The following PTPRU variants were observed in gnomAD, a reference collection of about 807,000 sequenced individuals.
The protein encoded by PTPRU is receptor-type tyrosine-protein phosphatase U.
A neutral mutation model predicts 166.3 loss-of-function variants in PTPRU; 69 were observed. The observed-to-expected ratio is 0.41, with a 90% CI of 0.34 to 0.51. The LOEUF is 0.51. Among genes scored for constraint, PTPRU ranks in the 20% least tolerant of loss-of-function variants. The probability of loss-of-function intolerance (pLI) is 0.09; values close to 1 mark genes in which losing one functional copy is unlikely to be tolerated. For synonymous variants in PTPRU, 793 were observed against 814.0 expected, an observed-to-expected ratio of 0.97 and a Z score of 0.44; for missense variants, 1,657 against 2,013.7, an observed-to-expected ratio of 0.82 and a Z score of 3.39.
chr1:29,311,866 T>A lies in PTPRU; in HGVS notation c.3072+107T>A. 9.1e-7 allele frequency: 1 copy of A among 1,097,544 alleles called. No homozygotes were observed. The highest frequency in any genetic ancestry group is 1.5e-5 in the South Asian group (1 of 68,270). The allele number at this position is 1,097,544 out of a possible 1,614,324, so 68.0% of individuals were successfully genotyped here. ...AGCAGGAGGGTGAGGAGCGCACCAC[T>A]GCCCATCCCAGCAAGGAAGCTACTT... On this transcript the variant is annotated intron_variant, in intron 21 of 29. Coordinates refer to ENST00000373779, the MANE Select transcript of PTPRU (RefSeq NM_133178.4). This position sits in a 1 kb window ranked among gnomAD's most constrained non-coding sequence, Gnocchi z 4.1.
rs1243376313 is a variant in PTPRU at position 29,260,954 on chromosome 1, T to G, written c.1144+51T>G. On this transcript the variant is annotated intron_variant, in intron 7 of 29. Coordinates refer to ENST00000373779, the MANE Select transcript of PTPRU (RefSeq NM_133178.4). This position sits in a 1 kb window ranked among gnomAD's most constrained non-coding sequence, Gnocchi z 8.3. ...TCAGTCTCTGGTGGGCCCAGGGCTA[T>G]GGAGGGGCGCATTCGAGAGGTAGCG... 1.4e-6 allele frequency: 2 copies of G among 1,464,192 alleles called. No individual in the cohort carries two copies. Among genetic ancestry groups the G allele is most frequent in the South Asian group, 2.8e-5 (2 of 70,778 alleles). 90.7% of individuals were successfully genotyped at this position (1,464,192 alleles called of 1,614,324 possible). A position where few individuals can be genotyped will look rare whatever the true frequency, so the allele number is the denominator to read the frequency against.
intron 7 of PTPRU, among the ~76,000 whole-genome samples, chr1:29,264,935 CCTTTTTATTA>C (rs756360865): frequency 1.3e-3 from 199 of 152,284 alleles, no homozygotes; most frequent in Middle Eastern, 3.4e-3. Flanking sequence ...GTAGTTTATT[CCTTTTTATTA>C]CTTTTTATTA....
chr1:29,315,988 A>T lies in PTPRU; in HGVS notation c.3364-14A>T. ...TAGGCCCCTCCTCGGCCTCATTCTC[A>T]TCTCCTGTTCCAGGAGCAGTACATC... On this transcript the variant is annotated splice_polypyrimidine_tract_variant and intron_variant, in intron 23 of 29. Coordinates refer to ENST00000373779, the MANE Select transcript of PTPRU (RefSeq NM_133178.4). The surrounding 1 kb of genome is among the most constrained non-coding windows in gnomAD (Gnocchi z 4.5). 3.1e-6 allele frequency: 5 copies of T among 1,613,662 alleles called. No homozygotes were observed. The highest frequency in any genetic ancestry group is 4.2e-6 in the Non-Finnish European group (5 of 1,179,764).
rs769549273 is a variant in PTPRU, at chr1:29,317,782, A to G, written c.3548A>G (p.Glu1183Gly). ...TCGGTCACCCCGCCGCTGGACGTGG[A>G]GGAGTGCAGCATCGCCCTGTTGCCC... ...LNSVTPPLDV[E>G]ECSIALLPRN... The change falls in exon 25 of 30, where the codon GAG becomes GGG. Residue 1183 changes from glutamate (E) to glycine (G), a missense_variant. Glu to Gly is a moderately conservative substitution (Grantham distance 98). Coordinates refer to ENST00000373779, the MANE Select transcript of PTPRU (RefSeq NM_133178.4). This position sits in a 1 kb window ranked among gnomAD's most constrained non-coding sequence, Gnocchi z 5.6. The G allele has an allele frequency of 6.2e-7, 1 of 1,612,242 alleles. No individual in the cohort carries two copies. Among genetic ancestry groups the G allele is most frequent in the Non-Finnish European group, 8.5e-7 (1 of 1,179,936 alleles).
intron 1 of PTPRU, among the ~76,000 whole-genome samples, chr1:29,254,852 C>T (rs575153765): frequency 2.0e-5 from 3 of 152,314 alleles, no homozygotes; most frequent in South Asian, 2.1e-4. Context: ...CAGTGACCTG[C>T]GTGACCCTAA....
chr1:29,296,199 C>G (rs1686874757), intron 15 of PTPRU, among the ~76,000 whole-genome samples: 1 of 152,184 alleles, frequency 6.6e-6, no homozygotes, highest in Admixed American at 6.5e-5. Context: ...GAATCCTTGT[C>G]TTCTTTTCCT....
chr1:29,259,797 G>T, intron 5 of PTPRU, 73 bp from the exon 6 acceptor site: 1 of 1,440,902 alleles, frequency 6.9e-7, no homozygotes, highest in Non-Finnish European at 9.2e-7. Flanking sequence ...CGGCTAAATG[G>T]GGCCCGGGTC....
intron 26 of PTPRU, among the ~76,000 whole-genome samples, chr1:29,322,962 G>A (rs1688226463): frequency 2.0e-5 from 3 of 150,766 alleles, no homozygotes; most frequent in East Asian, 2.0e-4. Flanking sequence ...CTGTGAGCTG[G>A]TGCTGAAGGG....
chr1:29,259,525 C>G lies in PTPRU; in HGVS notation c.636C>G (p.Ala212=). The change falls in exon 5 of 30, where the codon GCC becomes GCG. Residue 212 remains alanine, a synonymous_variant. Coordinates refer to ENST00000373779, the MANE Select transcript of PTPRU (RefSeq NM_133178.4). ...AGAACGCGTCGTTCCAGTGCATGGC[C>G]GCGGGCAGAGCGGCCGAGGCCGAAC... The part of the protein sequence containing the change: ...AGQNASFQCM[A]AGRAAEAERF... The G allele has an allele frequency of 7.1e-7, 1 of 1,411,628 alleles. No homozygotes were observed. Among genetic ancestry groups the G allele is most frequent in the Middle Eastern group, 2.1e-4 (1 of 4,836 alleles). The allele number at this position is 1,411,628 out of a possible 1,614,324, so 87.4% of individuals were successfully genotyped here. A position where few individuals can be genotyped will look rare whatever the true frequency, so the allele number is the denominator to read the frequency against.
chr1:29,311,629 T>A lies in PTPRU; in HGVS notation c.2956-14T>A. ...GCAAAGAGCCCACTGAGTCCCGTCC[T>A]GTGGGGCCTCTAGGTGAAATGCTCA... is the stretch of plus-strand genomic sequence containing the variant. On this transcript the variant is annotated splice_polypyrimidine_tract_variant and intron_variant, in intron 20 of 29. Coordinates refer to ENST00000373779, the MANE Select transcript of PTPRU (RefSeq NM_133178.4). The surrounding 1 kb of genome is among the most constrained non-coding windows in gnomAD (Gnocchi z 4.1). 5 of 1,613,962 alleles carry A rather than the reference T, an allele frequency of 3.1e-6. No homozygotes were observed. Among genetic ancestry groups the A allele is most frequent in the Non-Finnish European group, 4.2e-6 (5 of 1,179,836 alleles).
chr1:29,267,035 G>T (rs144102652), intron 7 of PTPRU, among the ~76,000 whole-genome samples: 2 of 152,250 alleles, frequency 1.3e-5, no homozygotes, highest in Admixed American at 6.5e-5. Flanking sequence ...GACCAGCCTG[G>T]ACAACATAGC....
intron 2 of PTPRU, 27 bp downstream of exon 2, chr1:29,255,433 C>A (rs766434741): frequency 6.2e-7 from 1 of 1,610,420 alleles, no homozygotes; most frequent in Non-Finnish European, 8.5e-7. Flanking sequence ...TCGCCATTAC[C>A]CCTTCTTCTC....
In PTPRU at chr1:29,320,722, A is replaced by C. The variant is rs1376615096; in HGVS notation, c.3725A>C (p.His1242Pro). 1 of 1,606,794 alleles carries C rather than the reference A, an allele frequency of 6.2e-7. No individual in the cohort carries two copies. The highest frequency in any genetic ancestry group is 8.5e-7 in the Non-Finnish European group (1 of 1,174,550). ...AGTGCGGCCTTCATCGTGACCCTGC[A>C]CCCGCTGCAGAGCACCACGCCCGAC... ...TRSAAFIVTL[H>P]PLQSTTPDFW... The change falls in exon 26 of 30, where the codon CAC (histidine) becomes CCC (proline). Residue 1242 changes from histidine to proline, a missense_variant. Coordinates refer to ENST00000373779, the MANE Select transcript of PTPRU (RefSeq NM_133178.4). This position sits in a 1 kb window ranked among gnomAD's most constrained non-coding sequence, Gnocchi z 5.2.
At chr1:29,281,869 C>A (rs929252526) in intron 11 of PTPRU, among the ~76,000 whole-genome samples, 13 of 152,240 alleles carry the variant, frequency 8.5e-5, no homozygotes, top group African/African-American at 3.1e-4. Flanking sequence ...GAGACTGTAA[C>A]TGGAAATATT....
intron 2 of PTPRU, among the ~76,000 whole-genome samples, chr1:29,256,757 A>G (rs866365571): frequency 8.5e-5 from 13 of 152,208 alleles, no homozygotes; most frequent in Admixed American, 3.3e-4. Flanking sequence ...CCCAGGGCCC[A>G]GCCTCAGTCT....
At position 29,285,009 on chromosome 1, in the gene PTPRU, A is replaced by G. The variant is rs1451901634; in HGVS notation, c.2318+140A>G. 7 of 1,189,038 alleles carry G rather than the reference A, an allele frequency of 5.9e-6. No individual in the cohort carries two copies. The East Asian group carries it at 1.0e-4, about 17-fold the overall frequency. The allele number at this position is 1,189,038 out of a possible 1,614,324, so 73.7% of individuals were successfully genotyped here. On this transcript the variant is annotated intron_variant, in intron 14 of 29. Coordinates refer to ENST00000373779, the MANE Select transcript of PTPRU (RefSeq NM_133178.4). ...GGCTGCCAGCCTGGGCATCGCCTCT[A>G]CAGATGGATCTGAGCTGGGTGGTGG...
chr1:29,284,811 G>T lies in PTPRU; in HGVS notation c.2260G>T (p.Gly754Trp). Residue 754 changes from glycine (G) to tryptophan (W), a missense_variant, in exon 14 of 30, where the codon GGG (glycine) becomes TGG (tryptophan). By Grantham distance (184) the Gly-to-Trp change is radical (BLOSUM62 -2). Transcript: ENST00000373779. ...GGGGCTTATCCTGGGCATCTGTGCA[G>T]GGGGGCTTGCTGTCCTCATCCTTCT... is the stretch of plus-strand genomic sequence containing the variant. ...EMGLILGICA[G>W]GLAVLILLLG... The T allele has an allele frequency of 6.2e-7, 1 of 1,613,872 alleles. No individual in the cohort carries two copies. The highest frequency in any genetic ancestry group is 1.1e-5 in the South Asian group (1 of 91,074).
rs377199618 is a variant in PTPRU, at chr1:29,278,244, GCA to G, written c.1454-765_1454-764del. 8.5e-5 allele frequency among the ~76,000 whole-genome samples: 13 copies of G among 152,240 alleles called. 1 individual carries two copies. The East Asian group carries it at 2.5e-3, about 29-fold the overall frequency. On this transcript the variant is annotated intron_variant, in intron 8 of 29. Coordinates refer to ENST00000373779, the MANE Select transcript of PTPRU (RefSeq NM_133178.4). Reference sequence around the variant, plus strand: ...ATGGCTTTGTCTTGCTGCCGCACGTGCACAGTTTTCTGTTCTGCACAGCATTG... The same window carrying G: ...ATGGCTTTGTCTTGCTGCCGCACGTGCAGTTTTCTGTTCTGCACAGCATTG...
rs971106360 is a variant in PTPRU at position 29,238,455 on chromosome 1, G to T, written c.73+1738G>T. Among the ~76,000 whole-genome samples the T allele has an allele frequency of 6.6e-6, 1 of 152,154 alleles. No individual in the cohort carries two copies. Among genetic ancestry groups the T allele is most frequent in the African/African-American group, 2.4e-5 (1 of 41,456 alleles). On this transcript the variant is annotated intron_variant, in intron 1 of 29. Transcript: ENST00000373779. This position sits in a 1 kb window ranked among gnomAD's most constrained non-coding sequence, Gnocchi z 6.1. ...CCGAGCCGAGACACGTGCTGGAGCG[G>T]AGCCGCTTCCTCACGGTCGCCAGCC... is the stretch of plus-strand genomic sequence containing the variant.
Sources: allele counts gnomAD v4.1 joint callset (sites outside exome capture counted in the v4.1 genomes callset), GRCh38; gene constraint gnomAD v4.1.1; non-coding constraint Gnocchi (gnomAD v3.1); transcripts MANE v1.5; gene names NCBI Gene and HGNC (gene_info 2026-07-23, HGNC 2026-07-21).